The following SLIT3 variants were observed in gnomAD, a reference collection of about 807,000 sequenced individuals.
SLIT3 encodes the protein slit homolog 3 protein.
Under a neutral mutation model 184.0 loss-of-function variants are expected in SLIT3, and 68 were observed. The observed-to-expected ratio is 0.37, with a 90% CI of 0.30 to 0.45. The LOEUF (loss-of-function observed/expected upper bound fraction) is 0.45, where lower values mean the gene tolerates loss of function less well. SLIT3 is among the 20% of genes least tolerant of loss of function. SLIT3 has a pLI of 1.00. For synonymous variants in SLIT3, 831 were observed against 828.6 expected (o/e 1.00, Z -0.05); for missense variants, 1,707 against 2,026.0 (o/e 0.84, Z 3.02).
chr5:168,729,313 C>T (rs1763226544), intron 20 of SLIT3, among the ~76,000 whole-genome samples: 1 of 151,532 alleles, frequency 6.6e-6, no homozygotes, highest in South Asian at 2.1e-4. Flanking sequence ...AAATACATTG[C>T]AAAAAGGATA....
chr5:168,753,124 A>C (rs552930021), intron 17 of SLIT3, 26 bp from the exon 18 acceptor site: 19 of 1,612,752 alleles, frequency 1.2e-5, no homozygotes, highest in Middle Eastern at 1.6e-4. Flanking sequence ...TGGGGATGAG[A>C]GAGCACAGGC....
intron 14 of SLIT3, among the ~76,000 whole-genome samples, chr5:168,770,096 C>G (rs994771986): frequency 1.3e-5 from 2 of 152,228 alleles, no homozygotes; most frequent in African/African-American, 4.8e-5. Context: ...CTGCCAAGTG[C>G]TCCCAGGGAT....
At chr5:169,259,364 A>T (rs1766085604) in intron 1 of SLIT3, among the ~76,000 whole-genome samples, 1 of 152,232 alleles carries the variant, frequency 6.6e-6, no homozygotes, top group Non-Finnish European at 1.5e-5. Context: ...TGGCCAAGGA[A>T]GTACTTTCTA....
At chr5:169,298,834 G>C (rs989867553) in intron 1 of SLIT3, among the ~76,000 whole-genome samples, 2 of 152,204 alleles carry the variant, frequency 1.3e-5, no homozygotes, top group African/African-American at 4.8e-5. Context: ...TAACTAACAG[G>C]ACTGTTGGAG....
At chr5:168,932,239 G>T (rs1399838938) in intron 4 of SLIT3, among the ~76,000 whole-genome samples, 2 of 136,362 alleles carry the variant, frequency 1.5e-5, no homozygotes, top group Non-Finnish European at 3.1e-5. Flanking sequence ...TCCTGACACA[G>T]TTTTTTTGTT....
intron 14 of SLIT3, among the ~76,000 whole-genome samples, chr5:168,765,462 T>C (rs1230409136): frequency 6.6e-6 from 1 of 152,128 alleles, no homozygotes; most frequent in East Asian, 1.9e-4. Context: ...GAAATGTTAA[T>C]AACGGCGTAT....
chr5:169,131,354 C>G (rs566918905), intron 4 of SLIT3, among the ~76,000 whole-genome samples: 112 of 152,224 alleles, frequency 7.4e-4, no homozygotes, highest in Non-Finnish European at 1.2e-3. Context: ...GTTCTCAGGC[C>G]CCAGCCAGAC....
chr5:168,787,343 C>T (rs1343005452), intron 11 of SLIT3, among the ~76,000 whole-genome samples: 1 of 152,182 alleles, frequency 6.6e-6, no homozygotes, highest in Non-Finnish European at 1.5e-5. Flanking sequence ...TAGCAGGCTT[C>T]TGAGCCCAGT....
chr5:168,913,697 C>T (rs2113091770), intron 4 of SLIT3, among the ~76,000 whole-genome samples: 1 of 145,436 alleles, frequency 6.9e-6, no homozygotes, highest in Admixed American at 7.1e-5. Flanking sequence ...GCCCAGATGG[C>T]ACCATTGTAC....
chr5:168,789,202 G>A (rs1316704752), intron 11 of SLIT3, among the ~76,000 whole-genome samples: 1 of 136,572 alleles, frequency 7.3e-6, no homozygotes, highest in Non-Finnish European at 1.5e-5. Flanking sequence ...TAATAAACAC[G>A]CATCACCATC....
At chr5:168,829,746 C>G (rs1757819683) in intron 6 of SLIT3, among the ~76,000 whole-genome samples, 1 of 152,244 alleles carries the variant, frequency 6.6e-6, no homozygotes, top group Admixed American at 6.5e-5. Flanking sequence ...GTACCAGACT[C>G]CTTTCCTGAA....
intron 20 of SLIT3, among the ~76,000 whole-genome samples, chr5:168,728,277 CATATATATATATAT>C: frequency 7.1e-6 from 1 of 141,014 alleles, no homozygotes; most frequent in African/African-American, 2.6e-5. Flanking sequence ...TAATCAACAA[CATATATATATATAT>C]ATATATATAT....
intron 1 of SLIT3, among the ~76,000 whole-genome samples, chr5:169,264,918 G>A (rs1766339008): frequency 2.0e-5 from 3 of 152,152 alleles, no homozygotes; most frequent in African/African-American, 7.2e-5. Context: ...CTAAATTTTT[G>A]GCTTGGCAAC....
chr5:169,039,592 C>T (rs549217939), intron 4 of SLIT3, among the ~76,000 whole-genome samples: 19 of 152,264 alleles, frequency 1.2e-4, no homozygotes, highest in African/African-American at 4.3e-4. Context: ...GCTGGGATTA[C>T]AGGCTTGAGC....
chr5:168,972,880 C>T (rs186813146), intron 4 of SLIT3, among the ~76,000 whole-genome samples: 1 of 152,292 alleles, frequency 6.6e-6, no homozygotes, highest in East Asian at 1.9e-4. Context: ...CATTCTTTCC[C>T]CAGTCCTTCC....
At chr5:169,145,359 C>A (rs1481352601) in intron 4 of SLIT3, among the ~76,000 whole-genome samples, 1 of 152,116 alleles carries the variant, frequency 6.6e-6, no homozygotes, top group Non-Finnish European at 1.5e-5. Flanking sequence ...CATTGCAGGG[C>A]GTGTCAGTTT....
intron 4 of SLIT3, among the ~76,000 whole-genome samples, chr5:169,034,933 G>T (rs1002287568): frequency 2.7e-5 from 4 of 150,188 alleles, no homozygotes; most frequent in African/African-American, 9.9e-5. Context: ...GTGTGTGTGT[G>T]TGTGTGTGTG....
In SLIT3 at chr5:168,827,046, G is replaced by A. The variant is rs184199047; in HGVS notation, c.558-3715C>T. Among the ~76,000 whole-genome samples the A allele has an allele frequency of 2.1e-3, 320 of 152,322 alleles. 3 individuals carry two copies. Among genetic ancestry groups the A allele is most frequent in the South Asian group, 4.2e-3 (20 of 4,816 alleles). ...CCCAAAGTGCTGGGATTACAGGTGT[G>A]AGCCACCATGCCCAGCCTGTATCGT... On this transcript the variant is annotated intron_variant, in intron 6 of 35. Coordinates refer to ENST00000519560, the MANE Select transcript of SLIT3 (RefSeq NM_003062.4).
chr5:169,031,592 G>C (rs1461045658), intron 4 of SLIT3, among the ~76,000 whole-genome samples: 1 of 152,210 alleles, frequency 6.6e-6, no homozygotes, highest in Non-Finnish European at 1.5e-5. Context: ...AGCACCGTCT[G>C]GCATGATGCA....
Sources: gnomAD v4.1 joint callset for allele counts (sites outside exome capture counted in the v4.1 genomes callset) on GRCh38, gnomAD v4.1.1 for gene constraint, MANE v1.5 for transcripts, NCBI Gene and HGNC (gene_info 2026-07-23, HGNC 2026-07-21) for gene names.